DZIP1: variants seen among roughly 807,000 people sequenced by gnomAD.
DZIP1 encodes the protein DAZ interacting zinc finger protein 1.
Under a neutral mutation model 107.6 loss-of-function variants are expected in DZIP1, and 97 were observed. The observed-to-expected ratio is 0.90, with a 90% confidence interval of 0.77 to 1.07. DZIP1 has a LOEUF of 1.07. Among genes scored for constraint, DZIP1 ranks in the 50% least tolerant of loss-of-function variants. The pLI, the probability that DZIP1 is intolerant of heterozygous loss-of-function variation, is 0.00. For synonymous variants in DZIP1, 390 were observed against 386.4 expected (o/e 1.01, Z -0.11); for missense variants, 1,035 against 1,063.6 (o/e 0.97, Z 0.37).
At chr13:95,605,859 G>A in intron 14 of DZIP1, 144 bp downstream of exon 14, 1 of 750,380 alleles carries the variant, frequency 1.3e-6, no homozygotes, top group East Asian at 2.7e-5. Context: ...CATGAAGACT[G>A]CAGTTTTAAT....
intron 10 of DZIP1, among the ~76,000 whole-genome samples, chr13:95,616,183 A>T (rs1875038488): frequency 6.6e-6 from 1 of 152,172 alleles, no homozygotes; most frequent in Admixed American, 6.5e-5. Context: ...CATAGATAAA[A>T]TATGCTGGGA....
In DZIP1 at chr13:95,629,998, T is replaced by C; in HGVS notation, c.801A>G (p.Arg267=). 1 of 1,602,714 alleles carries C rather than the reference T, an allele frequency of 6.2e-7. No homozygotes were observed. Among genetic ancestry groups the C allele is most frequent in the Non-Finnish European group, 8.5e-7 (1 of 1,176,786 alleles). The change falls in exon 7 of 23, where the codon AGA becomes AGG. Residue 267 remains arginine (R), a synonymous_variant. Coordinates refer to ENST00000376829, the MANE Select transcript of DZIP1 (RefSeq NM_198968.4). ...LEAAHHASAV[R]FSKEYEMQKT... ...GAATTCTGCCTGGTACCTTGGAGAA[T>C]CTGACTGCACTGGCATGGTGTGCAG...
At position 95,637,433 on chromosome 13, in the gene DZIP1, C is replaced by CG. The variant is rs1162885892; in HGVS notation, c.597+3861dup. Among the ~76,000 whole-genome samples, 13 of 152,052 alleles carry CG rather than the reference C, an allele frequency of 8.5e-5. No individual in the cohort carries two copies. In the East Asian group the frequency reaches 9.7e-4, roughly 11 times the overall value. Reference sequence around the variant, plus strand: ...ATTAAGGTTAAATAAGATCATAAGGCGGGGGGCCTAATCTGATAGGGTAAG... The same window carrying CG: ...ATTAAGGTTAAATAAGATCATAAGGCGGGGGGGCCTAATCTGATAGGGTAAG... On this transcript the variant is annotated intron_variant, in intron 5 of 22. Transcript: ENST00000376829.
intron 7 of DZIP1, among the ~76,000 whole-genome samples, chr13:95,628,041 C>T (rs1464408438): frequency 2.0e-5 from 3 of 151,026 alleles, no homozygotes; most frequent in Non-Finnish European, 3.0e-5. Flanking sequence ...CAAAAGGTCA[C>T]ACATTACTTT....
At chr13:95,603,430 G>A (rs1343346876) in intron 14 of DZIP1, among the ~76,000 whole-genome samples, 1 of 151,758 alleles carries the variant, frequency 6.6e-6, no homozygotes, top group African/African-American at 2.4e-5. Flanking sequence ...ATTAAAGGAG[G>A]GCTTTACATG....
At position 95,642,211 on chromosome 13, in the gene DZIP1, G is replaced by T; in HGVS notation, c.-182C>A. On this transcript the variant is annotated 5_prime_UTR_variant, in exon 4 of 23. Transcript: ENST00000376829. ...CGGACCTGGAGCAAAGGGCGCGTCT[G>T]CCCGCGCAGGGTCAGCGTGCACCCA... 1.4e-6 allele frequency: 1 copy of T among 731,798 alleles called. No individual in the cohort carries two copies. Among genetic ancestry groups the T allele is most frequent in the Non-Finnish European group, 2.1e-6 (1 of 483,336 alleles). 45.3% of individuals were successfully genotyped at this position (731,798 alleles called of 1,614,324 possible).
chr13:95,586,426 C>T (rs1175529905), intron 20 of DZIP1, among the ~76,000 whole-genome samples: 1 of 151,974 alleles, frequency 6.6e-6, no homozygotes, highest in Non-Finnish European at 1.5e-5. Context: ...TCTTGAACTC[C>T]CGGGCTCAAG....
At chr13:95,608,302 C>T (rs74109015) in intron 13 of DZIP1, among the ~76,000 whole-genome samples, 2 of 151,720 alleles carry the variant, frequency 1.3e-5, no homozygotes, top group East Asian at 1.9e-4. Context: ...CAAATGTGTA[C>T]ATTTTAAAAC....
Position 95,582,128 on chromosome 13 carries a change from GGGAAACAC to G in DZIP1, c.*98_*105del. Reference sequence around the variant, plus strand: ...TTTGAATCAGTCTCTGTGTTGCTGTGGGAAACACGGTAAGGCAGAAGCACTAGAATCAT... The same window carrying G: ...TTTGAATCAGTCTCTGTGTTGCTGTGGGTAAGGCAGAAGCACTAGAATCAT... On this transcript the variant is annotated 3_prime_UTR_variant, in exon 23 of 23. Transcript: ENST00000376829. 1 of 1,046,580 alleles carries G rather than the reference GGGAAACAC, an allele frequency of 9.6e-7. No homozygotes were observed. Among genetic ancestry groups the G allele is most frequent in the Non-Finnish European group, 1.5e-6 (1 of 676,646 alleles). The allele number at this position is 1,046,580 out of a possible 1,614,324, so 64.8% of individuals were successfully genotyped here. A position where few individuals can be genotyped will look rare whatever the true frequency, so the allele number is the denominator to read the frequency against.
intron 16 of DZIP1, among the ~76,000 whole-genome samples, chr13:95,590,890 G>A (rs1280612326): frequency 6.6e-6 from 1 of 152,166 alleles, no homozygotes; most frequent in African/African-American, 2.4e-5. Flanking sequence ...AAACAGGTAA[G>A]GCACGTCCCA....
intron 7 of DZIP1, 93 bp from the exon 8 acceptor site, chr13:95,625,022 G>C: frequency 8.9e-7 from 1 of 1,123,814 alleles, no homozygotes; most frequent in Non-Finnish European, 1.2e-6. Context: ...CTTCAAAAAT[G>C]TTAGCTAGTA....
At chr13:95,643,324 A>T (rs1335161140) in intron 2 of DZIP1, 67 bp from the exon 3 acceptor site, 1 of 152,240 alleles carries the variant, frequency 6.6e-6, no homozygotes, top group Non-Finnish European at 1.5e-5. Context: ...GCAAAGTTGT[A>T]ATATCAAATA....
chr13:95,578,842 T>C lies in DZIP1; in HGVS notation c.*3392A>G, dbSNP rs1396535101. 2.0e-5 allele frequency: 3 copies of C among 152,212 alleles called. No homozygotes were observed. Among genetic ancestry groups the C allele is most frequent in the Non-Finnish European group, 4.4e-5 (3 of 68,026 alleles). The allele number at this position is 152,212 out of a possible 1,614,324, so 9.4% of individuals were successfully genotyped here. ...TTACATGTGCCTGTCATGACTGTAATTCATTATGACTGCTCCAGGAAGGGC... is the reference window on the plus strand; with the variant it reads ...TTACATGTGCCTGTCATGACTGTAACTCATTATGACTGCTCCAGGAAGGGC... On this transcript the variant is annotated 3_prime_UTR_variant, in exon 23 of 23. Coordinates refer to ENST00000376829, the MANE Select transcript of DZIP1 (RefSeq NM_198968.4).
chr13:95,629,751 A>T (rs1876970625), intron 7 of DZIP1, among the ~76,000 whole-genome samples: 2 of 152,210 alleles, frequency 1.3e-5, no homozygotes, highest in East Asian at 3.8e-4. Flanking sequence ...TTAGAAAGTT[A>T]ATTGTGTGTT....
At chr13:95,618,190 T>A (rs924976509) in intron 10 of DZIP1, among the ~76,000 whole-genome samples, 9 of 152,188 alleles carry the variant, frequency 5.9e-5, no homozygotes, top group Non-Finnish European at 1.0e-4. Context: ...CCATCCTGAT[T>A]CCCATAGCTG....
In DZIP1 at chr13:95,643,072, G is replaced by A. The variant is rs906276097; in HGVS notation, c.-242C>T. 2.6e-5 allele frequency: 4 copies of A among 152,122 alleles called. No homozygotes were observed. Among genetic ancestry groups the A allele is most frequent in the Admixed American group, 2.0e-4 (3 of 15,272 alleles). The allele number at this position is 152,122 out of a possible 1,614,324, so 9.4% of individuals were successfully genotyped here. A position where few individuals can be genotyped will look rare whatever the true frequency, so the allele number is the denominator to read the frequency against. On this transcript the variant is annotated 5_prime_UTR_variant, in exon 3 of 23. Coordinates refer to ENST00000376829, the MANE Select transcript of DZIP1 (RefSeq NM_198968.4). Reference sequence around the variant, plus strand: ...CAAACTTGGGTCGGGGCTGCATTCTGGGCTTTGGAGAGGCTAAAATATTTC... The same window carrying A: ...CAAACTTGGGTCGGGGCTGCATTCTAGGCTTTGGAGAGGCTAAAATATTTC...
At chr13:95,622,603 G>A (rs915312632) in intron 8 of DZIP1, 123 bp from the exon 9 acceptor site, 66 of 1,009,806 alleles carry the variant, frequency 6.5e-5, no homozygotes, top group Admixed American at 1.0e-4. Flanking sequence ...GCTCCTGGAC[G>A]CTCTTGGACG....
chr13:95,609,811 C>T (rs2139092795), intron 12 of DZIP1, among the ~76,000 whole-genome samples: 1 of 152,252 alleles, frequency 6.6e-6, no homozygotes, highest in South Asian at 2.1e-4. Context: ...CTTTCCCGAA[C>T]TCTTTATCTC....
chr13:95,611,617 G>A, intron 11 of DZIP1, 124 bp from the exon 12 acceptor site: 1 of 780,460 alleles, frequency 1.3e-6, no homozygotes. Context: ...GGGACATAGG[G>A]CATGTGGTCT....
Sources: allele counts gnomAD v4.1 joint callset (sites outside exome capture counted in the v4.1 genomes callset), GRCh38; gene constraint gnomAD v4.1.1; transcripts MANE v1.5; gene names NCBI Gene and HGNC (gene_info 2026-07-23, HGNC 2026-07-21).